The following KIF1A variants were observed in gnomAD, a reference collection of about 807,000 sequenced individuals.
KIF1A encodes kinesin family member 1A.
KIF1A carries 46 observed loss-of-function variants against 227.3 expected under a neutral mutation model. That is an observed-to-expected ratio of 0.20 (90% confidence interval 0.16 to 0.26). KIF1A has a LOEUF of 0.26. Ranked by LOEUF, KIF1A falls within the 10% of genes least tolerant of loss-of-function variation. The pLI is 1.00. For synonymous variants in KIF1A, 1,022 were observed against 1,012.8 expected (o/e 1.01, Z -0.17); for missense variants, 1,683 against 2,485.9 (o/e 0.68, Z 6.87).
At chr2:240,779,833 G>A (rs578212986) in intron 10 of KIF1A, among the ~76,000 whole-genome samples, 6 of 152,230 alleles carry the variant, frequency 3.9e-5, no homozygotes, top group South Asian at 4.1e-4. Flanking sequence ...TCACGCAGCC[G>A]CATGCACTGC....
intron 46 of KIF1A, 86 bp downstream of exon 46, chr2:240,719,688 G>C: frequency 7.3e-7 from 1 of 1,369,122 alleles, no homozygotes; most frequent in Non-Finnish European, 9.7e-7. Context: ...GGGTCCCTGT[G>C]CCCCCAGTAT....
Position 240,757,297 on chromosome 2 carries a change from T to C in KIF1A, c.2858+22A>G, listed in dbSNP as rs1479319036. The C allele has an allele frequency of 1.3e-6, 2 of 1,547,756 alleles. No individual in the cohort carries two copies. The highest frequency in any genetic ancestry group is 1.7e-6 in the Non-Finnish European group (2 of 1,144,832). ...CAAAAGAGCTGGGTCCTCCCCAGCA[T>C]GCTCTCCTCGACCTCACCAACCTTC... On this transcript the variant is annotated intron_variant, in intron 27 of 48. Coordinates refer to ENST00000498729, the MANE Select transcript of KIF1A (RefSeq NM_001244008.2). This position sits in a 1 kb window ranked among gnomAD's most constrained non-coding sequence, Gnocchi z 6.2.
At chr2:240,768,075 G>A (rs2051431633) in intron 17 of KIF1A, among the ~76,000 whole-genome samples, 1 of 152,224 alleles carries the variant, frequency 6.6e-6, no homozygotes, top group Admixed American at 6.5e-5. Flanking sequence ...ACAGCCTTGG[G>A]ACCCCACTGG....
rs1438770121 is a variant in KIF1A, at chr2:240,789,460, C to T, written c.107-148G>A. ...AAATTGGAGGGGACCTAGGACCCCA[C>T]TCCCAGGCAGATGAGCTGTCTCTGC... On this transcript the variant is annotated intron_variant, in intron 2 of 48. Coordinates refer to ENST00000498729, the MANE Select transcript of KIF1A (RefSeq NM_001244008.2). The surrounding 1 kb of genome is among the most constrained non-coding windows in gnomAD (Gnocchi z 4.8). 3 of 653,716 alleles carry T rather than the reference C, an allele frequency of 4.6e-6. No homozygotes were observed. The East Asian group carries it at 8.1e-5, about 18-fold the overall frequency. 40.5% of individuals were successfully genotyped at this position (653,716 alleles called of 1,614,324 possible).
At chr2:240,819,966 G>T (rs1575689569) in intron 1 of KIF1A, among the ~76,000 whole-genome samples, 156 bp downstream of exon 1, 4 of 152,144 alleles carry the variant, frequency 2.6e-5, no homozygotes, top group East Asian at 1.9e-4. Flanking sequence ...AAGGGGCCTC[G>T]CAGTGCCTGC....
At chr2:240,735,883 A>G (rs2047258820) in intron 38 of KIF1A, among the ~76,000 whole-genome samples, 2 of 149,606 alleles carry the variant, frequency 1.3e-5, no homozygotes, top group South Asian at 2.2e-4. Flanking sequence ...CCACCCTCCT[A>G]TGGACATGAG....
intron 20 of KIF1A, 102 bp from the exon 21 acceptor site, chr2:240,763,448 AC>A: frequency 8.9e-7 from 1 of 1,122,270 alleles, no homozygotes; most frequent in Non-Finnish European, 1.2e-6. Flanking sequence ...GGGTGCAGGC[AC>A]CCCACCATCC....
At chr2:240,762,955 G>A (rs1011401186) in intron 22 of KIF1A, 64 bp downstream of exon 22, 17 of 1,378,592 alleles carry the variant, frequency 1.2e-5, no homozygotes, top group Non-Finnish European at 1.6e-5. Flanking sequence ...TGGGGGCGTG[G>A]GAGGACAGGG....
chr2:240,766,620 G>A lies in KIF1A; in HGVS notation c.1684+295C>T, dbSNP rs1439316059. ...CAAGGAGGCTCAGCTCCCTAAGGCA[G>A]CAGCTACCCCTGGCCACAGAAAGTA... On this transcript the variant is annotated intron_variant, in intron 19 of 48. Coordinates refer to ENST00000498729, the MANE Select transcript of KIF1A (RefSeq NM_001244008.2). The surrounding 1 kb of genome is among the most constrained non-coding windows in gnomAD (Gnocchi z 5.0). Among the ~76,000 whole-genome samples, 1 of 152,122 alleles carries A rather than the reference G, an allele frequency of 6.6e-6. No homozygotes were observed. The highest frequency in any genetic ancestry group is 1.5e-5 in the Non-Finnish European group (1 of 68,024).
chr2:240,753,405 C>T (rs2049452014), intron 27 of KIF1A, among the ~76,000 whole-genome samples: 1 of 152,210 alleles, frequency 6.6e-6, no homozygotes, highest in Non-Finnish European at 1.5e-5. Context: ...GTGGAACTGA[C>T]TCTGAGGAGA....
At chr2:240,735,871 C>T (rs80168476) in intron 38 of KIF1A, among the ~76,000 whole-genome samples, 7,737 of 152,138 alleles carry the variant, frequency 0.051, 254 homozygotes, top group South Asian at 0.077. Context: ...CCCCCGGATT[C>T]TCCACCCTCC....
intron 42 of KIF1A, 21 bp from the exon 43 acceptor site, chr2:240,722,677 C>A: frequency 6.7e-7 from 1 of 1,484,822 alleles, no homozygotes; most frequent in Non-Finnish European, 9.0e-7. Context: ...GACACAAGGC[C>A]TTACCTGCTG....
At chr2:240,772,971 C>T (rs958897342) in intron 13 of KIF1A, 143 bp downstream of exon 13, 31 of 895,018 alleles carry the variant, frequency 3.5e-5, no homozygotes, top group Non-Finnish European at 4.8e-5. Flanking sequence ...CCCAGAGGGG[C>T]TCTGGGAGCG....
rs899738054 is a variant in KIF1A at position 240,786,091 on chromosome 2, G to A, written c.608+244C>T. On this transcript the variant is annotated intron_variant, in intron 6 of 48. Coordinates refer to ENST00000498729, the MANE Select transcript of KIF1A (RefSeq NM_001244008.2). ...CCAGCACCCCCCGGGCACCTCAGCC[G>A]GAGGACGCAGACCCCCATGAAGGAG... Among the ~76,000 whole-genome samples the A allele has an allele frequency of 4.6e-5, 7 of 152,190 alleles. No homozygotes were observed. In the South Asian group the frequency reaches 1.0e-3, roughly 23 times the overall value.
At position 240,746,991 on chromosome 2, in the gene KIF1A, C is replaced by T. The variant is rs554251759; in HGVS notation, c.3063+245G>A. Among the ~76,000 whole-genome samples the T allele has an allele frequency of 5.3e-5, 8 of 152,270 alleles. No homozygotes were observed. In the South Asian group the frequency reaches 8.3e-4, roughly 16 times the overall value. ...CGTGTTGTCCACCTGCTCTGCGCCC[C>T]GACTTGGACCCTGGAGCGGCCGTGG... On this transcript the variant is annotated intron_variant, in intron 29 of 48. Coordinates refer to ENST00000498729, the MANE Select transcript of KIF1A (RefSeq NM_001244008.2).
intron 14 of KIF1A, among the ~76,000 whole-genome samples, chr2:240,771,867 G>T (rs559559358): frequency 1.6e-4 from 24 of 152,214 alleles, no homozygotes; most frequent in Non-Finnish European, 2.9e-4. Flanking sequence ...AGGTGGGGCT[G>T]TGACATCTCT....
At chr2:240,720,025 A>C in intron 45 of KIF1A, 99 bp from the exon 46 acceptor site, 2 of 1,245,906 alleles carry the variant, frequency 1.6e-6, no homozygotes, top group Non-Finnish European at 2.2e-6. Context: ...CAGAAGGTGC[A>C]GTAGGGCACC....
intron 29 of KIF1A, among the ~76,000 whole-genome samples, chr2:240,746,875 C>T (rs372796240): frequency 5.3e-5 from 8 of 152,298 alleles, no homozygotes; most frequent in South Asian, 2.1e-4. Flanking sequence ...GCAGTGGGAA[C>T]GCGCCGTACT....
chr2:240,786,249 G>C, intron 6 of KIF1A, 86 bp downstream of exon 6: 1 of 1,354,220 alleles, frequency 7.4e-7, no homozygotes, highest in South Asian at 1.2e-5. Flanking sequence ...CTACCAAAAA[G>C]GGCCAGGACC....
Sources: allele counts gnomAD v4.1 joint callset (sites outside exome capture counted in the v4.1 genomes callset), GRCh38; gene constraint gnomAD v4.1.1; non-coding constraint Gnocchi (gnomAD v3.1); transcripts MANE v1.5; gene names NCBI Gene and HGNC (gene_info 2026-07-23, HGNC 2026-07-21).